Variants in SUPT3H observed in about 807,000 individuals in gnomAD.
SUPT3H encodes SPT3 homolog, SAGA and STAGA complex component.
SUPT3H carries 44 observed loss-of-function variants against 44.3 expected under a neutral mutation model. The ratio of observed to expected loss-of-function variants is 0.99; its 90% confidence interval spans 0.78 to 1.28. The LOEUF is 1.28. Among genes scored for constraint, SUPT3H ranks in the 50% most tolerant of loss-of-function variants. SUPT3H has a pLI of 0.00. For missense variants in SUPT3H, 380 were observed against 387.1 expected, an observed-to-expected ratio of 0.98 and a Z score of 0.15; for synonymous variants, 124 against 125.6, an observed-to-expected ratio of 0.99 and a Z score of 0.09.
At chr6:44,809,531 G>C (rs1335466807) in intron 11 of SUPT3H, 1 of 152,194 alleles carries the variant, frequency 6.6e-6, no homozygotes, top group Non-Finnish European at 1.5e-5. Context: ...TAAAATCAGT[G>C]TTTACCAAAT....
chr6:44,886,722 T>C (rs564611934), intron 10 of SUPT3H, among the ~76,000 whole-genome samples: 4,336 of 152,014 alleles, frequency 0.029, 100 homozygotes, highest in Non-Finnish European at 0.043. Context: ...ACGAGCAAAA[T>C]CACCAGCTAA....
intron 10 of SUPT3H, among the ~76,000 whole-genome samples, chr6:44,870,544 A>G (rs1367700017): frequency 6.7e-6 from 1 of 149,594 alleles, no homozygotes; most frequent in Non-Finnish European, 1.5e-5. Flanking sequence ...GGCTGCAGCG[A>G]GCCGGGACTG....
chr6:45,246,218 G>A (rs1178583391), intron 2 of SUPT3H, among the ~76,000 whole-genome samples: 2 of 152,012 alleles, frequency 1.3e-5, no homozygotes, highest in Admixed American at 1.3e-4. Flanking sequence ...CCATTCTGTG[G>A]ATTTCCTTTT....
rs969869912 is a variant in SUPT3H, at chr6:44,847,958, CTTTTTT to C, written c.913-18107_913-18102del. ...CTAGTGTTGACAGTTATCTCTGTGT[CTTTTTT>C]TTTTTTTTTTTTTTTTTTTTGAGAT... On this transcript the variant is annotated intron_variant, in intron 10 of 10. Coordinates refer to ENST00000371459, the MANE Select transcript of SUPT3H (RefSeq NM_003599.4). Among the ~76,000 whole-genome samples the C allele has an allele frequency of 1.2e-4, 7 of 58,390 alleles. No homozygotes were observed. In the Admixed American group the frequency reaches 1.2e-3, roughly 10 times the overall value. 38.3% of individuals were successfully genotyped at this position (58,390 alleles called of 152,430 possible).
intron 10 of SUPT3H, among the ~76,000 whole-genome samples, chr6:44,885,331 A>G (rs1022121816): frequency 3.3e-5 from 5 of 151,976 alleles, no homozygotes; most frequent in Non-Finnish European, 7.4e-5. Context: ...GGTCCCTGAC[A>G]CCTGACCCCG....
chr6:45,098,926 G>A, intron 3 of SUPT3H: 1 of 511,952 alleles, frequency 2.0e-6, no homozygotes, highest in Non-Finnish European at 3.9e-6. Flanking sequence ...AAGATCCCAA[G>A]CATCCAGAGG....
intron 2 of SUPT3H, among the ~76,000 whole-genome samples, chr6:45,283,051 C>T (rs989724606): frequency 6.6e-6 from 1 of 152,106 alleles, no homozygotes; most frequent in African/African-American, 2.4e-5. Flanking sequence ...ATTTTGTCAC[C>T]ACCAGGCCTG....
intron 2 of SUPT3H, chr6:45,328,397 G>A (rs1429843825): frequency 1.4e-6 from 2 of 1,409,522 alleles, no homozygotes; most frequent in African/African-American, 1.4e-5. Flanking sequence ...ACAGCAAGAA[G>A]TCTCTGGTTT....
rs75798912 is a variant in SUPT3H at position 44,947,609 on chromosome 6, G to C, written c.801+5701C>G. 2.6e-3 allele frequency among the ~76,000 whole-genome samples: 390 copies of C among 151,770 alleles called. 3 individuals are homozygous for C. The highest frequency in any genetic ancestry group is 8.6e-3 in the African/African-American group (356 of 41,374). On this transcript the variant is annotated intron_variant, in intron 9 of 10. Transcript: ENST00000371459. Reference sequence around the variant, plus strand: ...ACAAGTTGATTCTAAAATTTACATAGAAATGCGAAGAACACAGCATGTCCA... The same window carrying C: ...ACAAGTTGATTCTAAAATTTACATACAAATGCGAAGAACACAGCATGTCCA...
chr6:45,302,979 C>G (rs1007280723), intron 2 of SUPT3H, among the ~76,000 whole-genome samples: 2 of 152,048 alleles, frequency 1.3e-5, no homozygotes, highest in Non-Finnish European at 2.9e-5. Flanking sequence ...CAAATACTTA[C>G]AGTCAACTGA....
intron 9 of SUPT3H, among the ~76,000 whole-genome samples, chr6:44,934,513 G>A (rs1771102956): frequency 6.6e-6 from 1 of 152,192 alleles, no homozygotes; most frequent in Non-Finnish European, 1.5e-5. Flanking sequence ...GTTTACTATG[G>A]TAAGTCTTTG....
At chr6:45,295,548 A>AAAAAAAAAAAAAAAAAAAAAAAAAAAAC (rs1554330142) in intron 2 of SUPT3H, among the ~76,000 whole-genome samples, 4 of 90,218 alleles carry the variant, frequency 4.4e-5, no homozygotes, top group Admixed American at 1.2e-4. Context: ...AAAAAAAAAA[A>AAAAAAAAAAAAAAAAAAAAAAAAAAAAC]AAAAAACAGC....
At chr6:45,312,001 G>C (rs1409953029) in intron 2 of SUPT3H, among the ~76,000 whole-genome samples, 1 of 152,094 alleles carries the variant, frequency 6.6e-6, no homozygotes, top group Non-Finnish European at 1.5e-5. Context: ...AATGTAAATG[G>C]CCTAAATGCT....
chr6:44,997,493 T>A (rs180883843), intron 6 of SUPT3H, among the ~76,000 whole-genome samples: 1 of 151,966 alleles, frequency 6.6e-6, no homozygotes, highest in Non-Finnish European at 1.5e-5. Flanking sequence ...TATTACTGAA[T>A]TATGGAAGAA....
intron 10 of SUPT3H, among the ~76,000 whole-genome samples, chr6:44,927,962 GCTA>G (rs1159261622): frequency 2.6e-5 from 4 of 152,122 alleles, no homozygotes; most frequent in Non-Finnish European, 4.4e-5. Context: ...ATATACCATA[GCTA>G]CTACTACTTC....
At chr6:45,159,167 A>G (rs958834943) in intron 2 of SUPT3H, 1 of 152,166 alleles carries the variant, frequency 6.6e-6, no homozygotes, top group Non-Finnish European at 1.5e-5. Context: ...ACAATATCCT[A>G]TTGAACTGAC....
At chr6:45,343,928 T>C (rs1175471883) in intron 2 of SUPT3H, among the ~76,000 whole-genome samples, 2 of 152,222 alleles carry the variant, frequency 1.3e-5, no homozygotes, top group African/African-American at 4.8e-5. Context: ...AGGCTTTCAT[T>C]TTATAACCAG....
chr6:45,225,113 T>C (rs1197318657), intron 2 of SUPT3H, among the ~76,000 whole-genome samples: 1 of 151,784 alleles, frequency 6.6e-6, no homozygotes, highest in Non-Finnish European at 1.5e-5. Flanking sequence ...ATCTCATCTC[T>C]ATTAAAAATA....
chr6:45,001,348 T>A (rs1211494188), intron 6 of SUPT3H, among the ~76,000 whole-genome samples: 1 of 152,096 alleles, frequency 6.6e-6, no homozygotes, highest in Admixed American at 6.6e-5. Context: ...ACTATAGGTA[T>A]GCCCAAGTGC....
Sources: gnomAD v4.1 joint callset for allele counts (sites outside exome capture counted in the v4.1 genomes callset) on GRCh38, gnomAD v4.1.1 for gene constraint, MANE v1.5 for transcripts, NCBI Gene and HGNC (gene_info 2026-07-23, HGNC 2026-07-21) for gene names.